The following SF3A1 variants were observed in gnomAD, a reference collection of about 807,000 sequenced individuals.
SF3A1 encodes SAP 114.
In SF3A1, 13 loss-of-function variants were observed where a neutral mutation model predicts 89.9. The ratio of observed to expected loss-of-function variants is 0.14; its 90% confidence interval spans 0.09 to 0.23. The LOEUF is 0.23. Among genes scored for constraint, SF3A1 ranks in the 10% least tolerant of loss-of-function variants. The probability of loss-of-function intolerance (pLI) is 1.00; values close to 1 mark genes in which losing one functional copy is unlikely to be tolerated. For synonymous variants in SF3A1, 405 were observed against 374.4 expected (o/e 1.08, Z -0.94); for missense variants, 604 against 1,022.1 (o/e 0.59, Z 5.58).
chr22:30,334,234 T>C lies in SF3A1; in HGVS notation c.*360A>G. 1 of 181,200 alleles carries C rather than the reference T, an allele frequency of 5.5e-6. No individual in the cohort carries two copies. Among genetic ancestry groups the C allele is most frequent in the South Asian group, 1.3e-4 (1 of 7,988 alleles). The allele number at this position is 181,200 out of a possible 1,614,324, so 11.2% of individuals were successfully genotyped here. A position where few individuals can be genotyped will look rare whatever the true frequency, so the allele number is the denominator to read the frequency against. On this transcript the variant is annotated 3_prime_UTR_variant, in exon 16 of 16. Transcript: ENST00000215793. ...AACCCATGTCAAGGTACAAAATGAT[T>C]AATGACAATATCAGCCATATTCTAT...
chr22:30,352,890 T>G (rs1471395689), intron 2 of SF3A1, 61 bp downstream of exon 2: 1 of 1,591,690 alleles, frequency 6.3e-7, no homozygotes, highest in East Asian at 2.2e-5. Context: ...TTGTGCTGAT[T>G]CAGTGCTGAA....
chr22:30,342,401 T>C (rs1931287718), intron 5 of SF3A1, 51 bp from the exon 6 acceptor site: 1 of 1,546,872 alleles, frequency 6.5e-7, no homozygotes, highest in Non-Finnish European at 8.7e-7. Context: ...GGTCTGCTCC[T>C]GATGAGGCTA....
intron 2 of SF3A1, among the ~76,000 whole-genome samples, chr22:30,352,389 A>G (rs182233379): frequency 6.6e-6 from 1 of 152,158 alleles, no homozygotes; most frequent in East Asian, 1.9e-4. Context: ...TGCCCATTCT[A>G]TCTGAGGTGG....
At chr22:30,343,301 CCTG>C (rs1931321232) in intron 4 of SF3A1, among the ~76,000 whole-genome samples, 1 of 152,144 alleles carries the variant, frequency 6.6e-6, no homozygotes, top group African/African-American at 2.4e-5. Flanking sequence ...ATTTCTGCTC[CCTG>C]CTTTCTCTCT....
At chr22:30,351,519 G>C (rs1412629592) in intron 2 of SF3A1, among the ~76,000 whole-genome samples, 1 of 152,066 alleles carries the variant, frequency 6.6e-6, no homozygotes, top group Non-Finnish European at 1.5e-5. Context: ...ATTTTTACTT[G>C]TTTTGTTTTT....
At position 30,356,830 on chromosome 22, in the gene SF3A1, C is replaced by A; in HGVS notation, c.-38G>T. On this transcript the variant is annotated 5_prime_UTR_variant, in exon 1 of 16. Coordinates refer to ENST00000215793, the MANE Select transcript of SF3A1 (RefSeq NM_005877.6). ...CAGGGCTGCCAGTCCGCCTCGGTGTCGGTGAGCGGTGCCGCCTCAAGACAG... is the reference window on the plus strand; with the variant it reads ...CAGGGCTGCCAGTCCGCCTCGGTGTAGGTGAGCGGTGCCGCCTCAAGACAG... The A allele has an allele frequency of 3.1e-6, 4 of 1,310,284 alleles. No individual in the cohort carries two copies. The highest frequency in any genetic ancestry group is 2.9e-6 in the Non-Finnish European group (3 of 1,021,648). 81.2% of individuals were successfully genotyped at this position (1,310,284 alleles called of 1,614,324 possible).
In SF3A1 at chr22:30,352,855, G is replaced by A. The variant is rs572157948; in HGVS notation, c.185+96C>T. The A allele has an allele frequency of 9.5e-6, 14 of 1,478,700 alleles. No homozygotes were observed. The African/African-American group carries it at 1.8e-4, about 19-fold the overall frequency. 91.6% of individuals were successfully genotyped at this position (1,478,700 alleles called of 1,614,324 possible). ...GTTTTTTATGAACTAAAAGGCCCAA[G>A]CCAACAACGTCTCTTTAAAAACCCT... On this transcript the variant is annotated intron_variant, in intron 2 of 15. Coordinates refer to ENST00000215793, the MANE Select transcript of SF3A1 (RefSeq NM_005877.6).
Position 30,340,307 on chromosome 22 carries a change from C to A in SF3A1, c.1264G>T (p.Ala422Ser). The A allele has an allele frequency of 6.2e-7, 1 of 1,613,038 alleles. No homozygotes were observed. The highest frequency in any genetic ancestry group is 8.5e-7 in the Non-Finnish European group (1 of 1,179,712). The change falls in exon 9 of 16, where the codon GCC becomes TCC. Residue 422 changes from alanine to serine, a missense_variant. This residue lies in a region of SF3A1 where 146 missense variants were observed against 228.5 expected (regional missense o/e 0.64). Coordinates refer to ENST00000215793, the MANE Select transcript of SF3A1 (RefSeq NM_005877.6). ...CGCATGTGTTCCTGCATTTTGCTGG[C>A]GGGGATCTTCTCCCCAGTAATGGGG... ...VSPITGEKIP[A>S]SKMQEHMRIG... is the part of the protein sequence containing the mutation.
In SF3A1 at chr22:30,333,342, TAGG is replaced by T. The variant is rs1441710224; in HGVS notation, c.*1249_*1251del. The T allele has an allele frequency of 6.6e-6, 1 of 152,180 alleles. No homozygotes were observed. Among genetic ancestry groups the T allele is most frequent in the Admixed American group, 6.5e-5 (1 of 15,276 alleles). 9.4% of individuals were successfully genotyped at this position (152,180 alleles called of 1,614,324 possible). A position where few individuals can be genotyped will look rare whatever the true frequency, so the allele number is the denominator to read the frequency against. On this transcript the variant is annotated 3_prime_UTR_variant, in exon 16 of 16. Transcript: ENST00000215793. ...CCTGGAGATGACCTGATGGGGCAGC[TAGG>T]AGGTCCAAATGGAAGGACTGCAAAT...
chr22:30,344,862 C>T, intron 4 of SF3A1, 71 bp downstream of exon 4: 1 of 1,548,456 alleles, frequency 6.5e-7, no homozygotes, highest in Non-Finnish European at 8.8e-7. Context: ...AGTGAGTGGA[C>T]ACAGTGCTTC....
chr22:30,338,841 G>A lies in SF3A1; in HGVS notation c.1691C>T (p.Thr564Ile), dbSNP rs1205995966. ...PQQPPPPSSATNIPSSAPPIT... is the reference protein window; with the variant it reads ...PQQPPPPSSAINIPSSAPPIT... ...GGGTGGAGCCGAGCTGGGGATGTTG[G>A]TGGCTGAAGATGGTGGCGGTGGCTG... Residue 564 changes from threonine to isoleucine, a missense_variant, in exon 11 of 16, where the codon ACC becomes ATC. By Grantham distance (89) the Thr-to-Ile change is moderately conservative. This residue lies in a region of SF3A1 where 85 missense variants were observed against 137.3 expected (regional missense o/e 0.62). Coordinates refer to ENST00000215793, the MANE Select transcript of SF3A1 (RefSeq NM_005877.6). 2 of 1,614,230 alleles carry A rather than the reference G, an allele frequency of 1.2e-6. No individual in the cohort carries two copies. The highest frequency in any genetic ancestry group is 3.3e-5 in the Admixed American group (2 of 60,034).
In SF3A1 at chr22:30,356,810, C is replaced by A. The variant is rs1032511039; in HGVS notation, c.-18G>T. 5.9e-6 allele frequency: 8 copies of A among 1,351,060 alleles called. No individual in the cohort carries two copies. Among genetic ancestry groups the A allele is most frequent in the Non-Finnish European group, 7.7e-6 (8 of 1,041,898 alleles). The allele number at this position is 1,351,060 out of a possible 1,614,324, so 83.7% of individuals were successfully genotyped here. On this transcript the variant is annotated 5_prime_UTR_variant, in exon 1 of 16. Transcript: ENST00000215793. ...GCCGGCATGACTGCGACGCTCAGGG[C>A]TGCCAGTCCGCCTCGGTGTCGGTGA...
Position 30,341,684 on chromosome 22 carries a change from C to A in SF3A1, c.1071+8G>T. 3 of 1,611,782 alleles carry A rather than the reference C, an allele frequency of 1.9e-6. No individual in the cohort carries two copies. The South Asian group carries it at 3.3e-5, about 18-fold the overall frequency. Reference sequence around the variant, plus strand: ...AAGGTCATCCTGCAGGCCTGCCCAGCAGCTTACCTCATCCATATCTTGTAC... The same window carrying A: ...AAGGTCATCCTGCAGGCCTGCCCAGAAGCTTACCTCATCCATATCTTGTAC... On this transcript the variant is annotated splice_region_variant and intron_variant, in intron 7 of 15. Coordinates refer to ENST00000215793, the MANE Select transcript of SF3A1 (RefSeq NM_005877.6).
chr22:30,340,783 T>C lies in SF3A1; in HGVS notation c.1101A>G (p.Lys367=). The change falls in exon 8 of 16, where the codon AAA becomes AAG. Residue 367 remains lysine (K), a synonymous_variant. Transcript: ENST00000215793. ...TGGGTGTCTCTGGGGGTGGGGGCACTTTCTGCCCTTCTTCTTCATCATCTG... is the reference window on the plus strand; with the variant it reads ...TGGGTGTCTCTGGGGGTGGGGGCACCTTCTGCCCTTCTTCTTCATCATCTG... ...EGSDDEEEGQ[K]VPPPPETPMP... 2.5e-6 allele frequency: 4 copies of C among 1,591,698 alleles called. No homozygotes were observed. The highest frequency in any genetic ancestry group is 3.4e-6 in the Non-Finnish European group (4 of 1,169,050).
At position 30,340,679 on chromosome 22, in the gene SF3A1, A is replaced by G. The variant is rs376523916; in HGVS notation, c.1189+16T>C. On this transcript the variant is annotated intron_variant, in intron 8 of 15. Coordinates refer to ENST00000215793, the MANE Select transcript of SF3A1 (RefSeq NM_005877.6). ...TTCCTGGGCAGCCCGAGGGTTGGGAAGCAGGCCCTCCCTACCTTTGGGATC... is the reference window on the plus strand; with the variant it reads ...TTCCTGGGCAGCCCGAGGGTTGGGAGGCAGGCCCTCCCTACCTTTGGGATC... 8.0e-6 allele frequency: 12 copies of G among 1,498,532 alleles called. No homozygotes were observed. In the African/African-American group the frequency reaches 1.7e-4, roughly 21 times the overall value. The allele number at this position is 1,498,532 out of a possible 1,614,324, so 92.8% of individuals were successfully genotyped here.
In SF3A1 at chr22:30,332,986, G is replaced by C. The variant is rs1222558270; in HGVS notation, c.*1608C>G. The C allele has an allele frequency of 1.3e-5, 2 of 152,248 alleles. No individual in the cohort carries two copies. The highest frequency in any genetic ancestry group is 6.5e-5 in the Admixed American group (1 of 15,288). 9.4% of individuals were successfully genotyped at this position (152,248 alleles called of 1,614,324 possible). A position where few individuals can be genotyped will look rare whatever the true frequency, so the allele number is the denominator to read the frequency against. On this transcript the variant is annotated 3_prime_UTR_variant, in exon 16 of 16. Coordinates refer to ENST00000215793, the MANE Select transcript of SF3A1 (RefSeq NM_005877.6). ...TCCTGACCCTCTTCCTTCTTGGAAT[G>C]AGACCCAGGTAGTGCTCAGGGGATT...
intron 3 of SF3A1, among the ~76,000 whole-genome samples, chr22:30,345,654 G>A (rs925700822): frequency 2.6e-5 from 4 of 152,212 alleles, no homozygotes; most frequent in Non-Finnish European, 4.4e-5. Context: ...GAGGTAGCCT[G>A]AGGTCCTAGG....
chr22:30,335,181 C>T (rs1294717957), intron 15 of SF3A1, among the ~76,000 whole-genome samples: 4 of 152,182 alleles, frequency 2.6e-5, no homozygotes, highest in African/African-American at 9.7e-5. Flanking sequence ...ATCAGGAACC[C>T]ACCAGAGCAT....
intron 1 of SF3A1, among the ~76,000 whole-genome samples, chr22:30,355,574 A>G (rs923668155): frequency 2.6e-5 from 4 of 152,030 alleles, no homozygotes; most frequent in Admixed American, 6.6e-5. Flanking sequence ...TTTTCTTCCC[A>G]CTGTCTACAA....
Sources: gnomAD v4.1 joint callset for allele counts (sites outside exome capture counted in the v4.1 genomes callset) on GRCh38, gnomAD v4.1.1 for gene constraint, gnomAD v4.1.1 regional missense constraint, MANE v1.5 for transcripts, NCBI Gene and HGNC (gene_info 2026-07-23, HGNC 2026-07-21) for gene names.